Variants in CDK8 observed in about 807,000 individuals in gnomAD.
The protein encoded by CDK8 is cyclin-dependent kinase 8.
CDK8 carries 29 observed loss-of-function variants against 71.5 expected under a neutral mutation model. The ratio of observed to expected loss-of-function variants is 0.41; its 90% CI spans 0.30 to 0.55. CDK8 has a LOEUF of 0.55. CDK8 is among the 20% of genes least tolerant of loss of function. The probability of loss-of-function intolerance (pLI) is 0.37; values close to 1 mark genes in which losing one functional copy is unlikely to be tolerated. For synonymous variants in CDK8, 161 were observed against 192.1 expected, an observed-to-expected ratio of 0.84 and a Z score of 1.34; for missense variants, 288 against 572.6, an observed-to-expected ratio of 0.50 and a Z score of 5.07.
At chr13:26,262,997 G>T (rs1335057810) in intron 1 of CDK8, among the ~76,000 whole-genome samples, 1 of 152,184 alleles carries the variant, frequency 6.6e-6, no homozygotes, top group African/African-American at 2.4e-5. Context: ...CCTACTCTGG[G>T]TGTTTCTAGA....
intron 1 of CDK8, among the ~76,000 whole-genome samples, chr13:26,323,318 AG>A (rs1874868528): frequency 7.6e-6 from 1 of 131,788 alleles, no homozygotes; most frequent in Non-Finnish European, 1.6e-5. Flanking sequence ...AGAGAGAGAG[AG>A]AGAGAGAGGG....
chr13:26,259,572 G>A (rs1320625615), intron 1 of CDK8, among the ~76,000 whole-genome samples: 1 of 152,144 alleles, frequency 6.6e-6, no homozygotes, highest in East Asian at 1.9e-4. Flanking sequence ...AGGGATGACT[G>A]TATTTGCTGT....
intron 1 of CDK8, among the ~76,000 whole-genome samples, chr13:26,287,692 C>A (rs1413404072): frequency 4.6e-5 from 7 of 152,106 alleles, no homozygotes; most frequent in Non-Finnish European, 8.8e-5. Context: ...TGCAACCACA[C>A]ACCGCCTGTT....
chr13:26,294,872 C>T (rs754177270), intron 1 of CDK8, among the ~76,000 whole-genome samples: 1 of 152,088 alleles, frequency 6.6e-6, no homozygotes, highest in Non-Finnish European at 1.5e-5. Context: ...GCCTCAGCCT[C>T]CTTAGTAGCT....
At chr13:26,342,600 T>TCTTCAATGTAAATATTTA (rs1398686886) in intron 2 of CDK8, among the ~76,000 whole-genome samples, 23 of 152,214 alleles carry the variant, frequency 1.5e-4, no homozygotes, top group Non-Finnish European at 2.5e-4. Flanking sequence ...TTTTGGAGTT[T>TCTTCAATGTAAATATTTA]CTTCAATGTA....
At chr13:26,356,122 G>A (rs1873886485) in intron 4 of CDK8, among the ~76,000 whole-genome samples, 1 of 152,096 alleles carries the variant, frequency 6.6e-6, no homozygotes, top group Non-Finnish European at 1.5e-5. Flanking sequence ...TGTTAGTGGT[G>A]TACTAAGTGG....
intron 1 of CDK8, among the ~76,000 whole-genome samples, chr13:26,319,547 G>T (rs1874667738): frequency 6.6e-6 from 1 of 152,048 alleles, no homozygotes; most frequent in Admixed American, 6.6e-5. Context: ...GTAACACATT[G>T]CTGAAAGAAA....
intron 1 of CDK8, among the ~76,000 whole-genome samples, chr13:26,291,966 C>T (rs568883185): frequency 1.3e-5 from 2 of 152,096 alleles, no homozygotes; most frequent in Non-Finnish European, 2.9e-5. Flanking sequence ...GCACATTTTT[C>T]GAGTCTTTGC....
intron 1 of CDK8, among the ~76,000 whole-genome samples, chr13:26,320,147 C>T (rs544521600): frequency 2.7e-4 from 41 of 152,126 alleles, no homozygotes; most frequent in South Asian, 1.0e-3. Flanking sequence ...TGCTTGTAAT[C>T]CCAGCACTTT....
Position 26,401,862 on chromosome 13 carries a change from C to CT in CDK8, c.1269+240dup, listed in dbSNP as rs879699535. The stretch of plus-strand genomic sequence containing the variant: ...TTATGCCATTTATTAACTGTGTGAC[C>CT]TTGGACAAGTAGGATAATATCTCCT... On this transcript the variant is annotated intron_variant, in intron 12 of 12. Coordinates refer to ENST00000381527, the MANE Select transcript of CDK8 (RefSeq NM_001260.3). This position sits in a 1 kb window ranked among gnomAD's most constrained non-coding sequence, Gnocchi z 4.5. 6.6e-6 allele frequency among the ~76,000 whole-genome samples: 1 copy of CT among 152,170 alleles called. No homozygotes were observed. The highest frequency in any genetic ancestry group is 1.5e-5 in the Non-Finnish European group (1 of 68,042).
At chr13:26,315,846 C>A (rs1468070682) in intron 1 of CDK8, among the ~76,000 whole-genome samples, 1 of 152,094 alleles carries the variant, frequency 6.6e-6, no homozygotes, top group Non-Finnish European at 1.5e-5. Flanking sequence ...GTAGGAAGCA[C>A]CAGGAACTTG....
At chr13:26,302,411 T>C (rs1165162739) in intron 1 of CDK8, among the ~76,000 whole-genome samples, 1 of 152,322 alleles carries the variant, frequency 6.6e-6, no homozygotes, top group East Asian at 1.9e-4. Flanking sequence ...TCTGGGAGCC[T>C]GGGATTATAT....
At chr13:26,263,988 C>T (rs894818900) in intron 1 of CDK8, among the ~76,000 whole-genome samples, 2 of 152,050 alleles carry the variant, frequency 1.3e-5, no homozygotes, top group Non-Finnish European at 2.9e-5. Context: ...ACCTCGTGAT[C>T]CGCCCACCTG....
chr13:26,266,028 C>G (rs935141443), intron 1 of CDK8, among the ~76,000 whole-genome samples: 3 of 152,078 alleles, frequency 2.0e-5, no homozygotes, highest in Admixed American at 2.0e-4. Context: ...AATGATAGGA[C>G]TTGTTGATTT....
chr13:26,391,181 A>G (rs1875730265), intron 6 of CDK8, among the ~76,000 whole-genome samples: 1 of 152,074 alleles, frequency 6.6e-6, no homozygotes, highest in African/African-American at 2.4e-5. Context: ...TTATAAAGAC[A>G]GAAGAGTTAC....
intron 1 of CDK8, among the ~76,000 whole-genome samples, chr13:26,271,806 C>CTT (rs58160694): frequency 0.014 from 866 of 62,630 alleles, 202 homozygotes; most frequent in Non-Finnish European, 0.015. Flanking sequence ...GAGACCCTGT[C>CTT]TTTTTTTTTT....
intron 1 of CDK8, among the ~76,000 whole-genome samples, chr13:26,299,016 C>T (rs1593248179): frequency 6.6e-6 from 1 of 152,132 alleles, no homozygotes; most frequent in East Asian, 1.9e-4. Flanking sequence ...TTGGCATTCT[C>T]TTTGAACCTC....
intron 3 of CDK8, among the ~76,000 whole-genome samples, chr13:26,352,718 C>G (rs1364772548): frequency 6.6e-6 from 1 of 152,148 alleles, no homozygotes; most frequent in Non-Finnish European, 1.5e-5. Flanking sequence ...GTGCAAACTG[C>G]TACACTTTAC....
rs145099185 is a variant in CDK8, at chr13:26,286,374, C to G, written c.128+31605C>G. Reference sequence around the variant, plus strand: ...AATAAAGCCAAATACTTACAGCCAACTGATCTTTGACAAAGCAAACAAAAA... The same window carrying G: ...AATAAAGCCAAATACTTACAGCCAAGTGATCTTTGACAAAGCAAACAAAAA... On this transcript the variant is annotated intron_variant, in intron 1 of 12. Transcript: ENST00000381527. Among the ~76,000 whole-genome samples the G allele has an allele frequency of 6.8e-3, 1,028 of 152,296 alleles. 8 individuals are homozygous for G. The highest frequency in any genetic ancestry group is 0.024 in the Middle Eastern group (7 of 294).
Sources: gnomAD v4.1 joint callset for allele counts (sites outside exome capture counted in the v4.1 genomes callset) on GRCh38, gnomAD v4.1.1 for gene constraint, Gnocchi (gnomAD v3.1) non-coding constraint, MANE v1.5 for transcripts, NCBI Gene and HGNC (gene_info 2026-07-23, HGNC 2026-07-21) for gene names.